Variants in RAD54L2 observed in about 807,000 individuals in gnomAD.
RAD54L2 encodes helicase ARIP4.
RAD54L2 carries 27 observed loss-of-function variants against 138.4 expected under a neutral mutation model. The observed-to-expected ratio is 0.20, with a 90% confidence interval of 0.14 to 0.27. RAD54L2 has a LOEUF of 0.27. RAD54L2 is among the 10% of genes least tolerant of loss of function. The pLI is 1.00. For missense variants in RAD54L2, 1,396 were observed against 1,890.2 expected (o/e 0.74, Z 4.85); for synonymous variants, 644 against 723.2 (o/e 0.89, Z 1.76).
At chr3:51,546,545 C>G (rs1331185599) in intron 2 of RAD54L2, among the ~76,000 whole-genome samples, 2 of 151,994 alleles carry the variant, frequency 1.3e-5, no homozygotes, top group Non-Finnish European at 2.9e-5. Context: ...GAGGCTGAGG[C>G]AGGAGAACCA....
intron 3 of RAD54L2, among the ~76,000 whole-genome samples, chr3:51,592,826 C>G (rs548509407): frequency 1.3e-5 from 2 of 152,012 alleles, no homozygotes; most frequent in Non-Finnish European, 1.5e-5. Context: ...TCACCTGCCT[C>G]GGCTTCCCAA....
chr3:51,579,283 G>T (rs193093789), intron 2 of RAD54L2, among the ~76,000 whole-genome samples: 1 of 151,798 alleles, frequency 6.6e-6, no homozygotes, highest in Non-Finnish European at 1.5e-5. Flanking sequence ...GTGCAGGATG[G>T]GGGGCAGGGC....
chr3:51,551,149 T>G (rs753691943), intron 2 of RAD54L2, among the ~76,000 whole-genome samples: 1 of 152,124 alleles, frequency 6.6e-6, no homozygotes, highest in Non-Finnish European at 1.5e-5. Context: ...TTTTTTGTTG[T>G]TGAGACAAGG....
intron 2 of RAD54L2, among the ~76,000 whole-genome samples, chr3:51,557,211 A>C (rs1304315733): frequency 8.2e-6 from 1 of 122,664 alleles, no homozygotes; most frequent in Admixed American, 9.9e-5. Flanking sequence ...TTTTTTTGAG[A>C]CAGGGTCTCA....
At chr3:51,610,984 G>C (rs921099540) in intron 3 of RAD54L2, among the ~76,000 whole-genome samples, 1 of 152,174 alleles carries the variant, frequency 6.6e-6, no homozygotes, top group African/African-American at 2.4e-5. Flanking sequence ...ATATGCTTAA[G>C]GCTTTAATGC....
intron 2 of RAD54L2, among the ~76,000 whole-genome samples, chr3:51,560,692 C>T (rs1380708896): frequency 6.6e-6 from 1 of 152,120 alleles, no homozygotes; most frequent in Non-Finnish European, 1.5e-5. Flanking sequence ...TTTCCTCTGG[C>T]TTTTTAACTG....
chr3:51,550,374 G>C (rs375597138), intron 2 of RAD54L2, among the ~76,000 whole-genome samples: 2 of 152,072 alleles, frequency 1.3e-5, no homozygotes, highest in Non-Finnish European at 2.9e-5. Flanking sequence ...TTTTTCCCTG[G>C]TTACATAAAC....
intron 2 of RAD54L2, among the ~76,000 whole-genome samples, chr3:51,577,462 A>G (rs1247609556): frequency 1.3e-5 from 2 of 152,100 alleles, no homozygotes; most frequent in Non-Finnish European, 2.9e-5. Flanking sequence ...ATCTCCCATT[A>G]TTATTGTTTG....
At chr3:51,539,108 G>A (rs1698487733) in intron 1 of RAD54L2, among the ~76,000 whole-genome samples, 193 bp downstream of exon 1, 1 of 152,218 alleles carries the variant, frequency 6.6e-6, no homozygotes, top group Non-Finnish European at 1.5e-5. Flanking sequence ...GCTTGGCGGG[G>A]GTCTTGGGCC....
intron 9 of RAD54L2, among the ~76,000 whole-genome samples, chr3:51,635,340 G>C (rs1031068528): frequency 2.0e-5 from 3 of 152,170 alleles, no homozygotes; most frequent in Non-Finnish European, 4.4e-5. Flanking sequence ...GAATTGCTAT[G>C]TTTCTTGCTG....
At chr3:51,659,755 G>GACTCCCTCTCATGGAGCTTA (rs1701711538) in intron 21 of RAD54L2, among the ~76,000 whole-genome samples, 1 of 152,184 alleles carries the variant, frequency 6.6e-6, no homozygotes, top group Non-Finnish European at 1.5e-5. Flanking sequence ...TAGAGACTAA[G>GACTCCCTCTCATGGAGCTTA]CTCCATGAGA....
Position 51,637,638 on chromosome 3 carries a change from C to A in RAD54L2, c.1682+135C>A, listed in dbSNP as rs1290077375. On this transcript the variant is annotated intron_variant, in intron 11 of 22. Transcript: ENST00000684192. The surrounding 1 kb of genome is among the most constrained non-coding windows in gnomAD (Gnocchi z 5.9). ...CTGGGGCAGTAGTAAAACTTTGCTT[C>A]CTGTGACAAGCTAGCAGATGGTGGA... 4.1e-5 allele frequency: 36 copies of A among 876,042 alleles called. 1 individual carries two copies. The highest frequency in any genetic ancestry group is 4.7e-5 in the Non-Finnish European group (28 of 589,538). 54.3% of individuals were successfully genotyped at this position (876,042 alleles called of 1,614,324 possible).
chr3:51,591,735 C>A (rs1336235273), intron 3 of RAD54L2, among the ~76,000 whole-genome samples: 1 of 152,168 alleles, frequency 6.6e-6, no homozygotes, highest in Non-Finnish European at 1.5e-5. Flanking sequence ...TCCTGAGATG[C>A]TGTTAGAGTC....
At chr3:51,585,658 G>A (rs1699693288) in intron 2 of RAD54L2, among the ~76,000 whole-genome samples, 1 of 152,156 alleles carries the variant, frequency 6.6e-6, no homozygotes, top group African/African-American at 2.4e-5. Context: ...ATTGCTATGA[G>A]GTGCTAGGCT....
At chr3:51,612,647 G>A (rs564732994) in intron 3 of RAD54L2, among the ~76,000 whole-genome samples, 1 of 149,718 alleles carries the variant, frequency 6.7e-6, no homozygotes, top group African/African-American at 2.5e-5. Context: ...GTAACAGCTA[G>A]TCTGTGGCTT....
intron 3 of RAD54L2, among the ~76,000 whole-genome samples, chr3:51,607,642 T>C (rs189736831): frequency 0.11 from 17,076 of 151,836 alleles, 1,903 homozygotes; most frequent in East Asian, 0.33. Flanking sequence ...GACGGGGTGG[T>C]GGATGGGCAG....
rs764170906 is a variant in RAD54L2, at chr3:51,639,935, A to G, written c.2167A>G (p.Met723Val). 2 of 1,612,710 alleles carry G rather than the reference A, an allele frequency of 1.2e-6. No homozygotes were observed. The highest frequency in any genetic ancestry group is 2.2e-5 in the South Asian group (2 of 90,784). The part of the protein sequence containing the change: ...QTGVLENSPK[M>V]VLLFHLIEES... ...TGGAGTCCTAGAAAACTCTCCCAAG[A>G]TGGTACTGCTTTTCCACCTGATTGA... The change falls in exon 14 of 23, where the codon ATG becomes GTG. Residue 723 changes from methionine to valine, a missense_variant. This residue lies in a region of RAD54L2 where 211 missense variants were observed against 273.8 expected (regional missense o/e 0.77). Coordinates refer to ENST00000684192, the MANE Select transcript of RAD54L2 (RefSeq NM_015106.4).
Position 51,639,614 on chromosome 3 carries a change from G to C in RAD54L2, c.2056G>C (p.Gly686Arg), listed in dbSNP as rs372073875. ...GEATNSKFLQ[G>R]VGFNPFQERG... is the part of the protein sequence containing the mutation. The stretch of plus-strand genomic sequence containing the variant: ...GGCAACCAATAGCAAGTTCCTACAG[G>C]GCGTTGGCTTCAACCCTTTCCAGGA... Residue 686 changes from glycine to arginine, a missense_variant, in exon 13 of 23, where the codon GGC (glycine) becomes CGC (arginine). By Grantham distance (125) the Gly-to-Arg change is moderately radical. Coordinates refer to ENST00000684192, the MANE Select transcript of RAD54L2 (RefSeq NM_015106.4). 6.2e-7 allele frequency: 1 copy of C among 1,613,758 alleles called. No individual in the cohort carries two copies. Among genetic ancestry groups the C allele is most frequent in the South Asian group, 1.1e-5 (1 of 91,062 alleles).
chr3:51,641,374 C>T (rs912530612), intron 14 of RAD54L2, among the ~76,000 whole-genome samples: 5 of 150,444 alleles, frequency 3.3e-5, no homozygotes, highest in Non-Finnish European at 7.4e-5. Context: ...GGCTGGAGTG[C>T]AATGGCGTGA....
Sources: gnomAD v4.1 joint callset for allele counts (sites outside exome capture counted in the v4.1 genomes callset) on GRCh38, gnomAD v4.1.1 for gene constraint, gnomAD v4.1.1 regional missense constraint, Gnocchi (gnomAD v3.1) non-coding constraint, MANE v1.5 for transcripts, NCBI Gene and HGNC (gene_info 2026-07-23, HGNC 2026-07-21) for gene names.